Variants in RASEF observed in about 807,000 individuals in gnomAD.
RASEF encodes the protein ras and EF-hand domain-containing protein.
RASEF carries 68 observed loss-of-function variants against 90.1 expected under a neutral mutation model. The observed-to-expected ratio is 0.75, with a 90% CI of 0.62 to 0.92. The LOEUF is 0.92. Among genes scored for constraint, RASEF ranks in the 40% least tolerant of loss-of-function variants. The pLI is 0.00. For synonymous variants in RASEF, 331 were observed against 345.2 expected, an observed-to-expected ratio of 0.96 and a Z score of 0.46; for missense variants, 949 against 937.2, an observed-to-expected ratio of 1.01 and a Z score of -0.16.
the RASEF span, among the ~76,000 whole-genome samples, chr9:83,191,381 A>G: frequency 6.6e-6 from 1 of 152,154 alleles, no homozygotes; most frequent in Non-Finnish European, 1.5e-5. Flanking sequence ...CACCAATTAC[A>G]ATGCCCTAAG....
chr9:83,060,437 T>A (rs1487215691), intron 1 of RASEF, among the ~76,000 whole-genome samples: 1 of 152,234 alleles, frequency 6.6e-6, no homozygotes, highest in Non-Finnish European at 1.5e-5. Flanking sequence ...GAAAAATGTT[T>A]CATCCACACC....
the RASEF span, among the ~76,000 whole-genome samples, chr9:83,107,635 GC>G: frequency 6.6e-6 from 1 of 152,172 alleles, no homozygotes; most frequent in South Asian, 2.1e-4. Flanking sequence ...CATATTTAAC[GC>G]TTTGTTTTAT....
chr9:83,217,671 A>G, the RASEF span, among the ~76,000 whole-genome samples: 16 of 152,152 alleles, frequency 1.1e-4, no homozygotes, highest in African/African-American at 3.9e-4. Context: ...CTCCCCAGCC[A>G]CGTGGAACTG....
chr9:83,052,185 TG>T (rs1830026873), intron 1 of RASEF, among the ~76,000 whole-genome samples: 1 of 131,562 alleles, frequency 7.6e-6, no homozygotes, highest in Non-Finnish European at 1.6e-5. Flanking sequence ...GGACTCTTTT[TG>T]GTTGGTAAAC....
chr9:83,097,159 G>A, the RASEF span, among the ~76,000 whole-genome samples: 1 of 152,184 alleles, frequency 6.6e-6, no homozygotes, highest in Admixed American at 6.5e-5. Context: ...GTAATGGGAT[G>A]GCTGGGTCAA....
At chr9:83,171,426 T>C in the RASEF span, among the ~76,000 whole-genome samples, 1 of 151,900 alleles carries the variant, frequency 6.6e-6, no homozygotes, top group African/African-American at 2.4e-5. Context: ...GGTTTTGGTA[T>C]CAGAATGATG....
chr9:83,032,944 T>C (rs145855920), intron 1 of RASEF, among the ~76,000 whole-genome samples: 207 of 152,282 alleles, frequency 1.4e-3, no homozygotes, highest in African/African-American at 4.9e-3. Flanking sequence ...TCTCAGGACA[T>C]CTCTGGGAAC....
the RASEF span, among the ~76,000 whole-genome samples, chr9:83,096,038 T>C: frequency 6.6e-6 from 1 of 152,130 alleles, no homozygotes; most frequent in African/African-American, 2.4e-5. Flanking sequence ...TAAAAAGGAC[T>C]TAATAGAGGC....
At chr9:83,135,531 A>C in the RASEF span, among the ~76,000 whole-genome samples, 1 of 152,216 alleles carries the variant, frequency 6.6e-6, no homozygotes, top group Non-Finnish European at 1.5e-5. Context: ...GCTGAATTGC[A>C]CACTTTAAAA....
At chr9:83,118,479 C>T in the RASEF span, among the ~76,000 whole-genome samples, 2 of 151,966 alleles carry the variant, frequency 1.3e-5, no homozygotes, top group South Asian at 4.1e-4. Flanking sequence ...TTTTTTATTT[C>T]TCGTATTTCT....
At chr9:83,073,563 T>C in the RASEF span, among the ~76,000 whole-genome samples, 1 of 152,198 alleles carries the variant, frequency 6.6e-6, no homozygotes, top group African/African-American at 2.4e-5. Context: ...AAGGGTGCAG[T>C]TGAGAAAGAA....
At chr9:83,000,068 GA>G (rs1315424486) in intron 12 of RASEF, 100 bp downstream of exon 12, 40 of 1,075,340 alleles carry the variant, frequency 3.7e-5, no homozygotes, top group Non-Finnish European at 5.3e-5. Flanking sequence ...CAGAGAAAGA[GA>G]AAACTGTTAA....
the RASEF span, among the ~76,000 whole-genome samples, chr9:83,189,583 T>A: frequency 6.6e-6 from 1 of 152,206 alleles, no homozygotes; most frequent in African/African-American, 2.4e-5. Flanking sequence ...GTAATCCCAA[T>A]TCAACATGGT....
the RASEF span, among the ~76,000 whole-genome samples, chr9:83,093,170 C>A: frequency 6.6e-6 from 1 of 152,174 alleles, no homozygotes; most frequent in Non-Finnish European, 1.5e-5. Flanking sequence ...GGTGTATTTA[C>A]AATCCTTGAG....
chr9:83,130,889 G>A, the RASEF span, among the ~76,000 whole-genome samples: 1 of 152,196 alleles, frequency 6.6e-6, no homozygotes, highest in Admixed American at 6.5e-5. Flanking sequence ...GAGAATAAAA[G>A]GGACTAAATT....
chr9:83,077,306 C>T, the RASEF span, among the ~76,000 whole-genome samples: 3,122 of 152,220 alleles, frequency 0.021, 88 homozygotes, highest in African/African-American at 0.071. Flanking sequence ...GACATTCTTA[C>T]AGAAACTGAA....
At chr9:83,004,177 C>T (rs911921024) in intron 9 of RASEF, among the ~76,000 whole-genome samples, 4 of 152,156 alleles carry the variant, frequency 2.6e-5, no homozygotes, top group Admixed American at 1.3e-4. Flanking sequence ...AGAAACACTG[C>T]AGCATCATAT....
At chr9:83,191,684 A>AT in the RASEF span, among the ~76,000 whole-genome samples, 1 of 152,096 alleles carries the variant, frequency 6.6e-6, no homozygotes, top group African/African-American at 2.4e-5. Flanking sequence ...TACCTTGACC[A>AT]TTTTTTTGGT....
chr9:83,028,070 G>A (rs986724850), intron 1 of RASEF, among the ~76,000 whole-genome samples: 1 of 152,140 alleles, frequency 6.6e-6, no homozygotes, highest in African/African-American at 2.4e-5. Context: ...CAAAAATTTT[G>A]AGAACAGTCA....
Sources: gnomAD v4.1 joint callset for allele counts (sites outside exome capture counted in the v4.1 genomes callset) on GRCh38, gnomAD v4.1.1 for gene constraint, MANE v1.5 for transcripts, NCBI Gene and HGNC (gene_info 2026-07-23, HGNC 2026-07-21) for gene names.